The following ERI3 variants were observed in gnomAD, a reference collection of about 807,000 sequenced individuals.
ERI3 encodes ERI1 exoribonuclease family member 3.
ERI3 carries 18 observed loss-of-function variants against 44.4 expected under a neutral mutation model. The ratio of observed to expected loss-of-function variants is 0.41; its 90% CI spans 0.28 to 0.60. The LOEUF (loss-of-function observed/expected upper bound fraction) is 0.60. Ranked by LOEUF, ERI3 falls within the 20% of genes least tolerant of loss-of-function variation. ERI3 has a pLI of 0.36. For missense variants in ERI3, 294 were observed against 435.5 expected, an observed-to-expected ratio of 0.68 and a Z score of 2.89; for synonymous variants, 183 against 164.8, an observed-to-expected ratio of 1.11 and a Z score of -0.84.
chr1:44,250,782 T>G (rs1425524287), intron 7 of ERI3, among the ~76,000 whole-genome samples: 1 of 152,196 alleles, frequency 6.6e-6, no homozygotes, highest in South Asian at 2.1e-4. Context: ...TCTGCCAAGC[T>G]CCTAATAAGA....
intron 3 of ERI3, among the ~76,000 whole-genome samples, chr1:44,333,776 G>C (rs182485213): frequency 2.0e-4 from 31 of 152,100 alleles, no homozygotes; most frequent in African/African-American, 5.3e-4. Flanking sequence ...GAAACCCTCC[G>C]AATCTCTTCT....
rs1644615956 is a variant in ERI3, at chr1:44,248,965, C to G, written c.832-927G>C. On this transcript the variant is annotated intron_variant, in intron 7 of 8. Transcript: ENST00000372257. ...CACGGCAGCTCAGGGGCAGCGCCTTCCCTTACAGTCCCTTTTAGCCATGAC... is the reference window on the plus strand; with the variant it reads ...CACGGCAGCTCAGGGGCAGCGCCTTGCCTTACAGTCCCTTTTAGCCATGAC... Among the ~76,000 whole-genome samples the G allele has an allele frequency of 2.6e-5, 4 of 152,196 alleles. 1 individual carries two copies. In the South Asian group the frequency reaches 8.3e-4, roughly 32 times the overall value.
At chr1:44,329,521 C>T (rs1283003731) in intron 3 of ERI3, among the ~76,000 whole-genome samples, 4 of 152,172 alleles carry the variant, frequency 2.6e-5, no homozygotes, top group African/African-American at 4.8e-5. Flanking sequence ...TTTAAAATGC[C>T]GCTAGTGTTG....
At chr1:44,234,282 C>A (rs572344755) in intron 8 of ERI3, among the ~76,000 whole-genome samples, 3 of 152,350 alleles carry the variant, frequency 2.0e-5, no homozygotes, top group Admixed American at 2.0e-4. Context: ...AGGCCACCAT[C>A]ATCTCCCATC....
chr1:44,310,963 G>GCGCACGCGCGCGCGCACACA (rs1373873768), intron 5 of ERI3, among the ~76,000 whole-genome samples: 3 of 123,202 alleles, frequency 2.4e-5, no homozygotes, highest in Non-Finnish European at 5.1e-5. Flanking sequence ...GCGCGCGCGC[G>GCGCACGCGCGCGCGCACACA]CACACACACA....
At chr1:44,239,036 C>G (rs569274457) in intron 8 of ERI3, among the ~76,000 whole-genome samples, 273 of 151,906 alleles carry the variant, frequency 1.8e-3, no homozygotes, top group Middle Eastern at 6.8e-3. Flanking sequence ...CCCCCTCCCC[C>G]CCCCAATCCA....
rs1643895158 is a variant in ERI3, at chr1:44,221,360, G to A, written c.*198C>T. On this transcript the variant is annotated 3_prime_UTR_variant, in exon 9 of 9. Transcript: ENST00000372257. The surrounding 1 kb of genome is among the most constrained non-coding windows in gnomAD (Gnocchi z 5.9). ...GGGGTGGGGATGGGGGGCACAAAGT[G>A]TCTGCTCCAGAAGGGCCAAGTGGCC... 7.0e-6 allele frequency: 4 copies of A among 575,532 alleles called. No individual in the cohort carries two copies. The highest frequency in any genetic ancestry group is 3.1e-5 in the Admixed American group (1 of 31,766). 35.7% of individuals were successfully genotyped at this position (575,532 alleles called of 1,614,324 possible).
At chr1:44,282,254 C>T (rs766600443) in intron 7 of ERI3, among the ~76,000 whole-genome samples, 5 of 152,128 alleles carry the variant, frequency 3.3e-5, no homozygotes, top group Non-Finnish European at 5.9e-5. Flanking sequence ...TGCCCAGTTG[C>T]TCACTCACTA....
Position 44,221,477 on chromosome 1 carries a change from C to T in ERI3, c.*81G>A. 8.5e-7 allele frequency: 1 copy of T among 1,176,604 alleles called. No homozygotes were observed. The highest frequency in any genetic ancestry group is 1.3e-6 in the Non-Finnish European group (1 of 789,356). The allele number at this position is 1,176,604 out of a possible 1,614,324, so 72.9% of individuals were successfully genotyped here. A position where few individuals can be genotyped will look rare whatever the true frequency, so the allele number is the denominator to read the frequency against. ...GACACAGAGCTATGCCACTCTCCCT[C>T]TTCCCCTCTGGTGAGGGAGAGGAGG... On this transcript the variant is annotated 3_prime_UTR_variant, in exon 9 of 9. Transcript: ENST00000372257. The surrounding 1 kb of genome is among the most constrained non-coding windows in gnomAD (Gnocchi z 5.9).
At chr1:44,298,891 C>T (rs1645665884) in intron 6 of ERI3, among the ~76,000 whole-genome samples, 1 of 152,132 alleles carries the variant, frequency 6.6e-6, no homozygotes, top group South Asian at 2.1e-4. Flanking sequence ...TGAACTCTAG[C>T]CTGGGTGAAA....
intron 3 of ERI3, chr1:44,322,786 C>T: frequency 6.5e-7 from 1 of 1,550,270 alleles, no homozygotes; most frequent in Non-Finnish European, 8.7e-7. Context: ...CTGGCCCAAA[C>T]AGCCCAGTAG....
At chr1:44,244,567 G>GA (rs927710208) in intron 8 of ERI3, among the ~76,000 whole-genome samples, 3 of 152,108 alleles carry the variant, frequency 2.0e-5, no homozygotes, top group Admixed American at 6.5e-5. Context: ...CTGAATGAAA[G>GA]AAAGTTTTAC....
chr1:44,287,676 A>G (rs1473223580), intron 6 of ERI3, among the ~76,000 whole-genome samples: 1 of 152,244 alleles, frequency 6.6e-6, no homozygotes, highest in Non-Finnish European at 1.5e-5. Flanking sequence ...GATGAAAGGT[A>G]GCCTTAGGAG....
chr1:44,307,884 A>C (rs1645873547), intron 6 of ERI3, among the ~76,000 whole-genome samples: 2 of 152,094 alleles, frequency 1.3e-5, no homozygotes, highest in Non-Finnish European at 2.9e-5. Context: ...CTGTACCTTT[A>C]CTCCCTCAGC....
chr1:44,245,727 G>A (rs368965534), intron 8 of ERI3, among the ~76,000 whole-genome samples: 78 of 152,296 alleles, frequency 5.1e-4, no homozygotes, highest in African/African-American at 1.9e-3. Flanking sequence ...GCATTGCTGA[G>A]TCTCAAGAAG....
intron 7 of ERI3, 37 bp from the exon 8 acceptor site, chr1:44,248,075 G>C: frequency 6.5e-7 from 1 of 1,538,796 alleles, no homozygotes; most frequent in Non-Finnish European, 8.9e-7. Flanking sequence ...CGGAGGCCCT[G>C]ACCCTCTGAA....
chr1:44,354,226 A>G lies in ERI3; in HGVS notation c.135+666T>C, dbSNP rs558957521. 1.9e-5 allele frequency: 19 copies of G among 985,454 alleles called. No individual in the cohort carries two copies. The African/African-American group carries it at 3.1e-4, about 16-fold the overall frequency. 61.0% of individuals were successfully genotyped at this position (985,454 alleles called of 1,614,324 possible). ...CTGCCCTTCCGCTGGGAGACTGATT[A>G]AATGTCTGACAAGAGTAAATGCCAT... On this transcript the variant is annotated intron_variant, in intron 1 of 8. Coordinates refer to ENST00000372257, the MANE Select transcript of ERI3 (RefSeq NM_024066.3).
rs1234552207 is a variant in ERI3 at position 44,322,906 on chromosome 1, CCCCAACACTACAGGTTAGTGGCATTAAT to C, written c.490-3190_490-3163del. The C allele has an allele frequency of 2.0e-6, 3 of 1,525,186 alleles. No individual in the cohort carries two copies. The South Asian group carries it at 3.7e-5, about 19-fold the overall frequency. 94.5% of individuals were successfully genotyped at this position (1,525,186 alleles called of 1,614,324 possible). The stretch of plus-strand genomic sequence containing the variant: ...TAGCTGATAATGATCAGAGATGGAA[CCCCAACACTACAGGTTAGTGGCATTAAT>C]CCCAACACAAAGATTTGTGACAATG... On this transcript the variant is annotated intron_variant, in intron 3 of 8. Transcript: ENST00000372257.
intron 3 of ERI3, among the ~76,000 whole-genome samples, chr1:44,336,962 G>A (rs376316143): frequency 2.0e-5 from 3 of 152,330 alleles, no homozygotes; most frequent in African/African-American, 7.2e-5. Context: ...TGGGAAGGAA[G>A]TTGGTGATAC....
Sources: gnomAD v4.1 joint callset for allele counts (sites outside exome capture counted in the v4.1 genomes callset) on GRCh38, gnomAD v4.1.1 for gene constraint, Gnocchi (gnomAD v3.1) non-coding constraint, MANE v1.5 for transcripts, NCBI Gene and HGNC (gene_info 2026-07-23, HGNC 2026-07-21) for gene names.